NRBP2: variants seen among roughly 807,000 people sequenced by gnomAD.
NRBP2 encodes the protein nuclear receptor-binding protein 2.
In NRBP2, 47 loss-of-function variants were observed where a neutral mutation model predicts 74.4. The ratio of observed to expected loss-of-function variants is 0.63; its 90% CI spans 0.50 to 0.81. NRBP2 has a LOEUF of 0.81. Ranked by LOEUF, NRBP2 falls within the 30% of genes least tolerant of loss-of-function variation. The pLI, the probability that NRBP2 is intolerant of heterozygous loss-of-function variation, is 0.00. For synonymous variants in NRBP2, 312 were observed against 273.8 expected, an observed-to-expected ratio of 1.14 and a Z score of -1.38; for missense variants, 613 against 690.1, an observed-to-expected ratio of 0.89 and a Z score of 1.25.
rs367952641 is a variant in NRBP2, at chr8:143,835,615, T to A, written c.*47A>T. On this transcript the variant is annotated 3_prime_UTR_variant, in exon 18 of 18. Transcript: ENST00000442628. This position sits in a 1 kb window ranked among gnomAD's most constrained non-coding sequence, Gnocchi z 4.9. Reference sequence around the variant, plus strand: ...GTGCTGGAGTCTCCCCAACATGGCCTGCCCAGGCAGCACCCCGGCATGGTC... The same window carrying A: ...GTGCTGGAGTCTCCCCAACATGGCCAGCCCAGGCAGCACCCCGGCATGGTC... 119 of 1,490,764 alleles carry A rather than the reference T, an allele frequency of 8.0e-5. No homozygotes were observed. The highest frequency in any genetic ancestry group is 1.1e-4 in the Non-Finnish European group (118 of 1,108,202). 92.3% of individuals were successfully genotyped at this position (1,490,764 alleles called of 1,614,324 possible).
rs989578628 is a variant in NRBP2 at position 143,835,783 on chromosome 8, C to A, written c.1437+37G>T. The A allele has an allele frequency of 1.2e-6, 2 of 1,602,292 alleles. No individual in the cohort carries two copies. Among genetic ancestry groups the A allele is most frequent in the Non-Finnish European group, 8.5e-7 (1 of 1,174,860 alleles). On this transcript the variant is annotated intron_variant, in intron 17 of 17. Coordinates refer to ENST00000442628, the MANE Select transcript of NRBP2 (RefSeq NM_178564.4). This position sits in a 1 kb window ranked among gnomAD's most constrained non-coding sequence, Gnocchi z 4.9. ...GGAGGGGCGCGGCCTGCCCCGTGCGCCCCCTCCGCCAGGCCGCGCCGCACC... is the reference window on the plus strand; with the variant it reads ...GGAGGGGCGCGGCCTGCCCCGTGCGACCCCTCCGCCAGGCCGCGCCGCACC...
rs1362772297 is a variant in NRBP2 at position 143,839,885 on chromosome 8, C to T, written c.354+44G>A. On this transcript the variant is annotated intron_variant, in intron 3 of 17. Coordinates refer to ENST00000442628, the MANE Select transcript of NRBP2 (RefSeq NM_178564.4). The surrounding 1 kb of genome is among the most constrained non-coding windows in gnomAD (Gnocchi z 5.1). ...CGGGTTCGTCCCCATGCCCGCCCCA[C>T]CTAGCTGTGGTCTCTGCCTGCCCGG... The T allele has an allele frequency of 1.7e-5, 26 of 1,535,162 alleles. No homozygotes were observed. The Middle Eastern group carries it at 5.0e-4, about 29-fold the overall frequency.
Position 143,835,676 on chromosome 8 carries a change from C to CA in NRBP2, c.1491dup (p.Gly498TrpfsTer80), listed in dbSNP as rs1818331834. ...GGGGCTCCGGGTCAGGCCTGGGTCC[C>CA]ACGGTACTTGAGGAAGGTGCTCTCC... is the stretch of plus-strand genomic sequence containing the variant. On this transcript the variant is annotated frameshift_variant, in exon 18 of 18. Coordinates refer to ENST00000442628, the MANE Select transcript of NRBP2 (RefSeq NM_178564.4). LOFTEE classifies it high-confidence loss of function. The surrounding 1 kb of genome is among the most constrained non-coding windows in gnomAD (Gnocchi z 4.9). 1 of 1,595,464 alleles carries CA rather than the reference C, an allele frequency of 6.3e-7. No individual in the cohort carries two copies.
Position 143,840,558 on chromosome 8 carries a change from CAGGGG to C in NRBP2, c.129+143_129+147del. The C allele has an allele frequency of 1.2e-6, 1 of 828,274 alleles. No individual in the cohort carries two copies. Among genetic ancestry groups the C allele is most frequent in the Non-Finnish European group, 1.8e-6 (1 of 562,556 alleles). The allele number at this position is 828,274 out of a possible 1,614,324, so 51.3% of individuals were successfully genotyped here. On this transcript the variant is annotated intron_variant, in intron 1 of 17. Transcript: ENST00000442628. The surrounding 1 kb of genome is among the most constrained non-coding windows in gnomAD (Gnocchi z 5.7). The stretch of plus-strand genomic sequence containing the variant: ...GGGCGAGCGCCAGGCCAAAGGGGTC[CAGGGG>C]TGGCTGATTCGCGGGCCGCGAGGGG...
downstream of NRBP2, among the ~76,000 whole-genome samples, chr8:143,830,936 C>T (rs1387223871): frequency 2.0e-5 from 3 of 152,144 alleles, no homozygotes; most frequent in African/African-American, 7.2e-5. Context: ...TGAAGTCTTC[C>T]AGAATGTATA....
In NRBP2 at chr8:143,840,136, C is replaced by T. The variant is rs1177719288; in HGVS notation, c.223G>A (p.Gly75Arg). 8 of 1,536,038 alleles carry T rather than the reference C, an allele frequency of 5.2e-6. No individual in the cohort carries two copies. Among genetic ancestry groups the T allele is most frequent in the African/African-American group, 2.7e-5 (2 of 73,042 alleles). Residue 75 changes from glycine (G) to arginine (R), a missense_variant, in exon 2 of 18, where the codon GGA becomes AGA. Transcript: ENST00000442628. The surrounding 1 kb of genome is among the most constrained non-coding windows in gnomAD (Gnocchi z 5.7). ...VEVVWNELHFGDRKAFAAHEE... is the reference protein window; with the variant it reads ...VEVVWNELHFRDRKAFAAHEE... ...TGCGCCGCGAAGGCCTTCCTGTCTCCGAAGTGGAGCTCGTTCCACACCACC... is the reference window on the plus strand; with the variant it reads ...TGCGCCGCGAAGGCCTTCCTGTCTCTGAAGTGGAGCTCGTTCCACACCACC...
chr8:143,836,902 A>G, intron 14 of NRBP2, 137 bp downstream of exon 14: 2 of 987,724 alleles, frequency 2.0e-6, no homozygotes, highest in South Asian at 3.1e-5. Flanking sequence ...CAAGGGGGTC[A>G]GCCTGGATCT....
Position 143,836,036 on chromosome 8 carries a change from G to GA in NRBP2, c.1318-7dup, listed in dbSNP as rs782794070. The GA allele has an allele frequency of 6.4e-7, 1 of 1,567,240 alleles. No individual in the cohort carries two copies. On this transcript the variant is annotated splice_polypyrimidine_tract_variant and splice_region_variant and intron_variant, in intron 15 of 17. Coordinates refer to ENST00000442628, the MANE Select transcript of NRBP2 (RefSeq NM_178564.4). ...AGCACCAGAAGCAGAGTGAGCTGGG[G>GA]AGGCGGCGGGGCGTGGTCGGCTGGG...
At position 143,839,558 on chromosome 8, in the gene NRBP2, G is replaced by C. The variant is rs1431160053; in HGVS notation, c.445-9C>G. ...CACCAGCGCTTCCAGGCCTGGCGGC[G>C]GACGCACGACTCCGTCGGTCGGGTG... On this transcript the variant is annotated splice_polypyrimidine_tract_variant and intron_variant, in intron 4 of 17. Transcript: ENST00000442628. The surrounding 1 kb of genome is among the most constrained non-coding windows in gnomAD (Gnocchi z 5.1). The C allele has an allele frequency of 6.5e-7, 1 of 1,530,314 alleles. No individual in the cohort carries two copies. The highest frequency in any genetic ancestry group is 8.7e-7 in the Non-Finnish European group (1 of 1,144,440). The allele number at this position is 1,530,314 out of a possible 1,614,324, so 94.8% of individuals were successfully genotyped here. A position where few individuals can be genotyped will look rare whatever the true frequency, so the allele number is the denominator to read the frequency against.
In NRBP2 at chr8:143,833,981, T is replaced by A. The variant is rs1219263493; in HGVS notation, c.*1681A>T. Reference sequence around the variant, plus strand: ...TTTTGTACCTTTAATTTATTTGATATGCGTTAGTAAGTCTTGCTTTGGTTT... The same window carrying A: ...TTTTGTACCTTTAATTTATTTGATAAGCGTTAGTAAGTCTTGCTTTGGTTT... On this transcript the variant is annotated 3_prime_UTR_variant, in exon 18 of 18. Transcript: ENST00000442628. 1 of 152,236 alleles carries A rather than the reference T, an allele frequency of 6.6e-6. No individual in the cohort carries two copies. The highest frequency in any genetic ancestry group is 1.5e-5 in the Non-Finnish European group (1 of 68,046). The allele number at this position is 152,236 out of a possible 1,614,324, so 9.4% of individuals were successfully genotyped here.
At position 143,834,462 on chromosome 8, in the gene NRBP2, A is replaced by G. The variant is rs940916582; in HGVS notation, c.*1200T>C. Reference sequence around the variant, plus strand: ...CCCTAGAACCTCCAGGAAGGAAGGCAGCCTGCCAGCCTTGATTCTAGTCCA... The same window carrying G: ...CCCTAGAACCTCCAGGAAGGAAGGCGGCCTGCCAGCCTTGATTCTAGTCCA... On this transcript the variant is annotated 3_prime_UTR_variant, in exon 18 of 18. Transcript: ENST00000442628. The G allele has an allele frequency of 8.5e-5, 13 of 152,360 alleles. No homozygotes were observed. Among genetic ancestry groups the G allele is most frequent in the African/African-American group, 2.9e-4 (12 of 41,586 alleles). 9.4% of individuals were successfully genotyped at this position (152,360 alleles called of 1,614,324 possible).
At position 143,838,882 on chromosome 8, in the gene NRBP2, C is replaced by T. The variant is rs782408115; in HGVS notation, c.744+1G>A. ...CACAAGGTGGAGGGCGGGGGCAGTA[C>T]CTCCAGCGCACACATCCCAAAGGAG... On this transcript the variant is annotated splice_donor_variant, in intron 9 of 17. Transcript: ENST00000442628. LOFTEE classifies it high-confidence loss of function. 1 of 1,613,198 alleles carries T rather than the reference C, an allele frequency of 6.2e-7. No individual in the cohort carries two copies. The highest frequency in any genetic ancestry group is 8.5e-7 in the Non-Finnish European group (1 of 1,179,694).
chr8:143,840,780 C>G lies in NRBP2; in HGVS notation c.55G>C (p.Glu19Gln), dbSNP rs1361468530. 2 of 1,505,984 alleles carry G rather than the reference C, an allele frequency of 1.3e-6. No homozygotes were observed. Among genetic ancestry groups the G allele is most frequent in the Non-Finnish European group, 8.8e-7 (1 of 1,133,338 alleles). 93.3% of individuals were successfully genotyped at this position (1,505,984 alleles called of 1,614,324 possible). The stretch of plus-strand genomic sequence containing the variant: ...TCGCTCTCGTCCTCGCTCTCGTCCT[C>G]CCGCTCCCGCTCCCGTTCCCGGGCC... ...RRARERERER[E>Q]DESEDESDIL... is the part of the protein sequence containing the mutation. The change falls in exon 1 of 18, where the codon GAG becomes CAG. Residue 19 changes from glutamate (E) to glutamine (Q), a missense_variant. Glu to Gln is a conservative substitution (Grantham distance 29, BLOSUM62 2). Transcript: ENST00000442628. This position sits in a 1 kb window ranked among gnomAD's most constrained non-coding sequence, Gnocchi z 5.7.
At position 143,839,185 on chromosome 8, in the gene NRBP2, T is replaced by A; in HGVS notation, c.591A>T (p.Arg197=). 6.5e-7 allele frequency: 1 copy of A among 1,528,502 alleles called. No homozygotes were observed. The allele number at this position is 1,528,502 out of a possible 1,614,324, so 94.7% of individuals were successfully genotyped here. A position where few individuals can be genotyped will look rare whatever the true frequency, so the allele number is the denominator to read the frequency against. The part of the protein sequence containing the change: ...GLIKIGSVWH[R]IFSNALPDDL... Reference sequence around the variant, plus strand: ...GTCCGCACTTACCATTGGAGAAGATTCGGTGCCACACTGCCAAGGGGCGGG... The same window carrying A: ...GTCCGCACTTACCATTGGAGAAGATACGGTGCCACACTGCCAAGGGGCGGG... The change falls in exon 7 of 18, where the codon CGA becomes CGT. Residue 197 remains arginine (R), a synonymous_variant. Coordinates refer to ENST00000442628, the MANE Select transcript of NRBP2 (RefSeq NM_178564.4). This position sits in a 1 kb window ranked among gnomAD's most constrained non-coding sequence, Gnocchi z 5.1.
Position 143,837,215 on chromosome 8 carries a change from G to A in NRBP2, c.1127+34C>T, listed in dbSNP as rs1554652071. On this transcript the variant is annotated intron_variant, in intron 13 of 17. Transcript: ENST00000442628. The surrounding 1 kb of genome is among the most constrained non-coding windows in gnomAD (Gnocchi z 4.3). ...GGTGGCTGGGGGTTCAGGCCTGACA[G>A]CTGCCTGGCCCCCAACCTTACATCA... 1.9e-6 allele frequency: 3 copies of A among 1,613,802 alleles called. No homozygotes were observed. The highest frequency in any genetic ancestry group is 2.5e-6 in the Non-Finnish European group (3 of 1,179,988).
chr8:143,840,159 ACCT>A lies in NRBP2; in HGVS notation c.197_199del (p.Glu66del). Reference sequence around the variant, plus strand: ...TCCGAAGTGGAGCTCGTTCCACACCACCTCTACCCCCTCCTCCGTGTCCATGGC... The same window carrying A: ...TCCGAAGTGGAGCTCGTTCCACACCACTACCCCCTCCTCCGTGTCCATGGC... On this transcript the variant is annotated inframe_deletion, in exon 2 of 18. Coordinates refer to ENST00000442628, the MANE Select transcript of NRBP2 (RefSeq NM_178564.4). This position sits in a 1 kb window ranked among gnomAD's most constrained non-coding sequence, Gnocchi z 5.7. 1 of 1,535,822 alleles carries A rather than the reference ACCT, an allele frequency of 6.5e-7. No homozygotes were observed. The highest frequency in any genetic ancestry group is 8.7e-7 in the Non-Finnish European group (1 of 1,146,854).
Position 143,837,757 on chromosome 8 carries a change from T to C in NRBP2, c.841-2A>G, listed in dbSNP as rs1554652353. On this transcript the variant is annotated splice_acceptor_variant, in intron 10 of 17. Coordinates refer to ENST00000442628, the MANE Select transcript of NRBP2 (RefSeq NM_178564.4). LOFTEE classifies it high-confidence loss of function. This position sits in a 1 kb window ranked among gnomAD's most constrained non-coding sequence, Gnocchi z 4.3. ...GGCCAGGCAGCAAAGGATGAACTCC[T>C]GGGGCACAGGGAGGAGAGGCTGGTG... The C allele has an allele frequency of 6.4e-7, 1 of 1,558,802 alleles. No homozygotes were observed. Among genetic ancestry groups the C allele is most frequent in the Non-Finnish European group, 8.7e-7 (1 of 1,150,470 alleles).
At position 143,840,552 on chromosome 8, in the gene NRBP2, G is replaced by A; in HGVS notation, c.129+154C>T. ...GTCCCAGGGCGAGCGCCAGGCCAAA[G>A]GGGTCCAGGGGTGGCTGATTCGCGG... On this transcript the variant is annotated intron_variant, in intron 1 of 17. Coordinates refer to ENST00000442628, the MANE Select transcript of NRBP2 (RefSeq NM_178564.4). This position sits in a 1 kb window ranked among gnomAD's most constrained non-coding sequence, Gnocchi z 5.7. 1.3e-6 allele frequency: 1 copy of A among 783,738 alleles called. No homozygotes were observed. The highest frequency in any genetic ancestry group is 1.9e-6 in the Non-Finnish European group (1 of 522,588). 48.5% of individuals were successfully genotyped at this position (783,738 alleles called of 1,614,324 possible).
downstream of NRBP2, among the ~76,000 whole-genome samples, chr8:143,832,133 C>T (rs538817866): frequency 1.4e-3 from 208 of 152,260 alleles, 1 homozygote; most frequent in African/African-American, 4.7e-3. Context: ...CAACCCCGTG[C>T]TCTCTGAAAC....
Sources: gnomAD v4.1 joint callset for allele counts (sites outside exome capture counted in the v4.1 genomes callset) on GRCh38, gnomAD v4.1.1 for gene constraint, Gnocchi (gnomAD v3.1) non-coding constraint, MANE v1.5 for transcripts, NCBI Gene and HGNC (gene_info 2026-07-23, HGNC 2026-07-21) for gene names.